The following PPIP5K2 variants were observed in gnomAD, a reference collection of about 807,000 sequenced individuals.
PPIP5K2 encodes inositol hexakisphosphate and diphosphoinositol-pentakisphosphate kinase 2.
Under a neutral mutation model 154.6 loss-of-function variants are expected in PPIP5K2, and 105 were observed. The observed-to-expected ratio is 0.68, with a 90% CI of 0.58 to 0.80. The LOEUF (loss-of-function observed/expected upper bound fraction) is 0.80. Among genes scored for constraint, PPIP5K2 ranks in the 30% least tolerant of loss-of-function variants. The pLI is 0.00. For synonymous variants in PPIP5K2, 480 were observed against 490.3 expected, an observed-to-expected ratio of 0.98 and a Z score of 0.28; for missense variants, 992 against 1,504.6, an observed-to-expected ratio of 0.66 and a Z score of 5.64.
At position 103,202,312 on chromosome 5, in the gene PPIP5K2, C is replaced by G. The variant is rs1371808525; in HGVS notation, c.*678C>G. On this transcript the variant is annotated 3_prime_UTR_variant, in exon 31 of 31. Coordinates refer to ENST00000358359, the MANE Select transcript of PPIP5K2 (RefSeq NM_001276277.3). ...TAGAAAATATTTTCTTTATATATTT[C>G]CTTACCATACAAGGTGCCTTGTTCA... is the stretch of plus-strand genomic sequence containing the variant. 1 of 152,308 alleles carries G rather than the reference C, an allele frequency of 6.6e-6. No individual in the cohort carries two copies. The highest frequency in any genetic ancestry group is 2.4e-5 in the African/African-American group (1 of 41,390). 9.4% of individuals were successfully genotyped at this position (152,308 alleles called of 1,614,324 possible).
intron 1 of PPIP5K2, among the ~76,000 whole-genome samples, chr5:103,121,244 A>C (rs1413109976): frequency 1.3e-5 from 2 of 152,170 alleles, no homozygotes; most frequent in Non-Finnish European, 2.9e-5. Flanking sequence ...GAAATAGATA[A>C]TTTTTTTGTC....
At chr5:103,198,714 CTTTA>C (rs1802505461) in intron 30 of PPIP5K2, among the ~76,000 whole-genome samples, 2 of 152,056 alleles carry the variant, frequency 1.3e-5, no homozygotes, top group Admixed American at 6.6e-5. Flanking sequence ...GCTCAACAAA[CTTTA>C]TTTATGCAAG....
At chr5:103,161,358 A>G (rs1796209215) in intron 17 of PPIP5K2, among the ~76,000 whole-genome samples, 1 of 152,092 alleles carries the variant, frequency 6.6e-6, no homozygotes, top group African/African-American at 2.4e-5. Flanking sequence ...CTAGTCTATC[A>G]TTGATGGACA....
chr5:103,178,300 C>T (rs1799014888), intron 23 of PPIP5K2, among the ~76,000 whole-genome samples: 1 of 151,894 alleles, frequency 6.6e-6, no homozygotes, highest in Non-Finnish European at 1.5e-5. Context: ...GTTGTCTTCG[C>T]TCTATGAATA....
intron 17 of PPIP5K2, among the ~76,000 whole-genome samples, chr5:103,159,632 T>C (rs1795920013): frequency 6.6e-6 from 1 of 152,188 alleles, no homozygotes; most frequent in African/African-American, 2.4e-5. Flanking sequence ...TTTGGCTTTT[T>C]TCTAACTTTA....
At chr5:103,135,514 C>T (rs1791324842) in intron 3 of PPIP5K2, among the ~76,000 whole-genome samples, 1 of 152,126 alleles carries the variant, frequency 6.6e-6, no homozygotes, top group Non-Finnish European at 1.5e-5. Flanking sequence ...TCCCTGTAAC[C>T]TCAAACTCTT....
At chr5:103,173,678 T>A (rs941448456) in intron 20 of PPIP5K2, among the ~76,000 whole-genome samples, 180 bp from the exon 21 acceptor site, 1 of 152,072 alleles carries the variant, frequency 6.6e-6, no homozygotes, top group Middle Eastern at 3.2e-3. Flanking sequence ...TAGTTATAGT[T>A]TGTGTCATGT....
chr5:103,177,573 T>G (rs1798907204), intron 21 of PPIP5K2, 94 bp from the exon 22 acceptor site: 1 of 722,274 alleles, frequency 1.4e-6, no homozygotes. Flanking sequence ...TTATGTGGTA[T>G]CACTAGGATT....
Position 103,132,386 on chromosome 5 carries a change from GA to G in PPIP5K2, c.115-1057del, listed in dbSNP as rs532193202. On this transcript the variant is annotated intron_variant, in intron 2 of 30. Transcript: ENST00000358359. ...GAAACCCCATCTCTACTAAAAATAC[GA>G]AAAAAAAAATTAGCTGGGTGTGGTG... Among the ~76,000 whole-genome samples, 629 of 149,570 alleles carry G rather than the reference GA, an allele frequency of 4.2e-3. 5 individuals are homozygous for G. The highest frequency in any genetic ancestry group is 6.6e-3 in the South Asian group (31 of 4,700).
chr5:103,194,185 C>T (rs1442429229), intron 29 of PPIP5K2, among the ~76,000 whole-genome samples: 4 of 151,378 alleles, frequency 2.6e-5, no homozygotes, highest in South Asian at 2.1e-4. Flanking sequence ...TTTTTCCCCC[C>T]GAGACAGAGT....
chr5:103,196,297 A>G (rs1802082854), intron 30 of PPIP5K2, among the ~76,000 whole-genome samples: 2 of 152,182 alleles, frequency 1.3e-5, no homozygotes, highest in African/African-American at 2.4e-5. Context: ...CTATTATACC[A>G]GATTATAACT....
intron 5 of PPIP5K2, 58 bp from the exon 6 acceptor site, chr5:103,146,467 GGT>G (rs1468111656): frequency 6.5e-7 from 1 of 1,526,840 alleles, no homozygotes; most frequent in Non-Finnish European, 8.9e-7. Context: ...ATAATAATGT[GGT>G]GTCCTGATAA....
intron 28 of PPIP5K2, among the ~76,000 whole-genome samples, chr5:103,189,677 C>T (rs1192368356): frequency 3.3e-5 from 5 of 152,056 alleles, no homozygotes; most frequent in Non-Finnish European, 1.5e-5. Flanking sequence ...AGACATATCA[C>T]TTTTGCAAGT....
At chr5:103,197,178 C>G (rs1802221532) in intron 30 of PPIP5K2, among the ~76,000 whole-genome samples, 1 of 152,008 alleles carries the variant, frequency 6.6e-6, no homozygotes, top group Non-Finnish European at 1.5e-5. Flanking sequence ...GTTTTGGTAT[C>G]AGAGTAATGC....
At chr5:103,164,886 A>G (rs949478809) in intron 17 of PPIP5K2, among the ~76,000 whole-genome samples, 3 of 152,106 alleles carry the variant, frequency 2.0e-5, no homozygotes, top group Non-Finnish European at 4.4e-5. Context: ...ATTCAAAAAA[A>G]TTCATTACAA....
rs1168028358 is a variant in PPIP5K2 at position 103,204,504 on chromosome 5, GCA to G, written c.*2873_*2874del. On this transcript the variant is annotated 3_prime_UTR_variant, in exon 31 of 31. Coordinates refer to ENST00000358359, the MANE Select transcript of PPIP5K2 (RefSeq NM_001276277.3). ...CTGTCACCCCAGCTGGAGTGCAGTG[GCA>G]CAGTCTTAATTCACTACAGCCTTGA... is the stretch of plus-strand genomic sequence containing the variant. The G allele has an allele frequency of 6.6e-6, 1 of 152,116 alleles. No individual in the cohort carries two copies. The highest frequency in any genetic ancestry group is 1.5e-5 in the Non-Finnish European group (1 of 68,058). The allele number at this position is 152,116 out of a possible 1,614,324, so 9.4% of individuals were successfully genotyped here.
intron 30 of PPIP5K2, among the ~76,000 whole-genome samples, chr5:103,196,947 A>G (rs138867150): frequency 1.7e-3 from 265 of 152,252 alleles, no homozygotes; most frequent in African/African-American, 6.1e-3. Context: ...TCAGAGAAAC[A>G]GAAAGAATAT....
intron 5 of PPIP5K2, among the ~76,000 whole-genome samples, chr5:103,145,784 G>C: frequency 6.6e-6 from 1 of 152,000 alleles, no homozygotes; most frequent in East Asian, 1.9e-4. Flanking sequence ...TAGCAACACA[G>C]ATAGAATAAA....
In PPIP5K2 at chr5:103,210,961, G is replaced by A. The variant is rs1362111945; in HGVS notation, c.*9327G>A. On this transcript the variant is annotated 3_prime_UTR_variant, in exon 31 of 31. Coordinates refer to ENST00000358359, the MANE Select transcript of PPIP5K2 (RefSeq NM_001276277.3). ...GCAAGAAAAGAATTACATACAACTA[G>A]TATACATATTTAGAGGTGCTGTAGT... The A allele has an allele frequency of 6.6e-6, 1 of 152,128 alleles. No homozygotes were observed. Among genetic ancestry groups the A allele is most frequent in the African/African-American group, 2.4e-5 (1 of 41,432 alleles). The allele number at this position is 152,128 out of a possible 1,614,324, so 9.4% of individuals were successfully genotyped here.
Sources: allele counts gnomAD v4.1 joint callset (sites outside exome capture counted in the v4.1 genomes callset), GRCh38; gene constraint gnomAD v4.1.1; transcripts MANE v1.5; gene names NCBI Gene and HGNC (gene_info 2026-07-23, HGNC 2026-07-21).